Variants in SLC14A2 observed in about 807,000 individuals in gnomAD.
SLC14A2 encodes the protein solute carrier family 14 member 2.
Under a neutral mutation model 104.6 loss-of-function variants are expected in SLC14A2, and 91 were observed. That is an observed-to-expected ratio of 0.87 (90% CI 0.73 to 1.04). The LOEUF is 1.04. SLC14A2 is among the 50% of genes least tolerant of loss of function. The probability of loss-of-function intolerance (pLI) is 0.00; values close to 1 mark genes in which losing one functional copy is unlikely to be tolerated. For synonymous variants in SLC14A2, 476 were observed against 466.4 expected, an observed-to-expected ratio of 1.02 and a Z score of -0.27; for missense variants, 1,189 against 1,156.0, an observed-to-expected ratio of 1.03 and a Z score of -0.41.
intron 1 of SLC14A2, among the ~76,000 whole-genome samples, chr18:45,321,963 G>A (rs1225310895): frequency 6.6e-6 from 1 of 152,178 alleles, no homozygotes; most frequent in East Asian, 1.9e-4. Context: ...TTTTGGTTGA[G>A]AATGGGGTGG....
chr18:45,253,352 G>A (rs1050308827), intron 1 of SLC14A2, among the ~76,000 whole-genome samples: 10 of 152,118 alleles, frequency 6.6e-5, no homozygotes, highest in Non-Finnish European at 8.8e-5. Flanking sequence ...GACGAAGGAC[G>A]GAATGCAGAC....
chr18:45,386,842 T>G (rs2085902298), intron 1 of SLC14A2, among the ~76,000 whole-genome samples: 1 of 152,222 alleles, frequency 6.6e-6, no homozygotes, highest in South Asian at 2.1e-4. Context: ...CCAGGGCTGT[T>G]GTGAAGATGA....
At chr18:45,518,299 T>C (rs2043470298) in intron 2 of SLC14A2, among the ~76,000 whole-genome samples, 2 of 152,192 alleles carry the variant, frequency 1.3e-5, no homozygotes, top group Non-Finnish European at 2.9e-5. Context: ...AATACTATGA[T>C]TTTTGAATGA....
In SLC14A2 at chr18:45,359,468, C is replaced by A. The variant is rs556800431; in HGVS notation, c.-124-123765C>A. ...AGGGAAGAGATAAGGAGTAGGCCTC[C>A]CCGGACAGGCCCAGGCTGCATTCCT... is the stretch of plus-strand genomic sequence containing the variant. On this transcript the variant is annotated intron_variant, in intron 1 of 20. Transcript: ENST00000586448. 2.0e-5 allele frequency among the ~76,000 whole-genome samples: 3 copies of A among 152,292 alleles called. No individual in the cohort carries two copies. The East Asian group carries it at 5.8e-4, about 29-fold the overall frequency.
At chr18:45,285,605 A>G (rs2084805160) in intron 1 of SLC14A2, among the ~76,000 whole-genome samples, 1 of 150,748 alleles carries the variant, frequency 6.6e-6, no homozygotes, top group Non-Finnish European at 1.5e-5. Flanking sequence ...TTTAGCAGAG[A>G]TGAGGTTTCC....
At chr18:45,454,085 C>G (rs1439246802) in intron 1 of SLC14A2, among the ~76,000 whole-genome samples, 1 of 152,040 alleles carries the variant, frequency 6.6e-6, no homozygotes, top group East Asian at 1.9e-4. Flanking sequence ...GTCTCCAACT[C>G]CAGACTTCAT....
chr18:45,403,379 A>G (rs2086116888), intron 1 of SLC14A2, among the ~76,000 whole-genome samples: 1 of 152,256 alleles, frequency 6.6e-6, no homozygotes, highest in Non-Finnish European at 1.5e-5. Context: ...ATAACATGGA[A>G]TAATAATTTA....
intron 1 of SLC14A2, among the ~76,000 whole-genome samples, chr18:45,469,185 G>A (rs1598867888): frequency 1.3e-5 from 2 of 152,324 alleles, no homozygotes; most frequent in South Asian, 4.1e-4. Context: ...GGCATTGTTG[G>A]AAGGATGGTC....
chr18:45,357,330 G>T (rs931996658), intron 1 of SLC14A2, among the ~76,000 whole-genome samples: 104 of 150,488 alleles, frequency 6.9e-4, no homozygotes, highest in African/African-American at 2.4e-3. Context: ...GGAAGAAAGA[G>T]GCCAGGCATG....
chr18:45,514,956 C>CAAGT (rs886444108), intron 2 of SLC14A2, among the ~76,000 whole-genome samples: 3 of 152,154 alleles, frequency 2.0e-5, no homozygotes, highest in Non-Finnish European at 2.9e-5. Context: ...AATAGAAATG[C>CAAGT]AAGTACCAAG....
chr18:45,258,281 A>G (rs2084501087), intron 1 of SLC14A2, among the ~76,000 whole-genome samples: 1 of 141,990 alleles, frequency 7.0e-6, no homozygotes, highest in Admixed American at 6.9e-5. Flanking sequence ...CAATGGTAGG[A>G]CATAGTGCCC....
At chr18:45,189,818 C>T in the SLC14A2 span, among the ~76,000 whole-genome samples, 9 of 152,110 alleles carry the variant, frequency 5.9e-5, no homozygotes, top group Non-Finnish European at 1.2e-4. Flanking sequence ...TGCAAAATCA[C>T]AAACTGACAA....
intron 1 of SLC14A2, among the ~76,000 whole-genome samples, chr18:45,293,556 G>T (rs767233648): frequency 6.6e-6 from 1 of 151,252 alleles, no homozygotes; most frequent in Non-Finnish European, 1.5e-5. Context: ...AGGAGAAGAG[G>T]GGGCAGTGAG....
At chr18:45,283,661 G>A (rs2084785477) in intron 1 of SLC14A2, among the ~76,000 whole-genome samples, 1 of 152,190 alleles carries the variant, frequency 6.6e-6, no homozygotes, top group Admixed American at 6.5e-5. Context: ...TATTCAACAG[G>A]TCTCCATTGT....
chr18:45,347,255 C>T (rs1252245252), intron 1 of SLC14A2, among the ~76,000 whole-genome samples: 2 of 152,040 alleles, frequency 1.3e-5, no homozygotes, highest in African/African-American at 4.8e-5. Flanking sequence ...ACTTGGGAGG[C>T]TGAGGTGAAA....
chr18:45,326,823 G>A (rs757174561), intron 1 of SLC14A2, among the ~76,000 whole-genome samples: 15 of 152,264 alleles, frequency 9.9e-5, no homozygotes, highest in East Asian at 1.9e-4. Flanking sequence ...AGGAAGCCTC[G>A]TTGAAGCCTC....
rs150006973 is a variant in SLC14A2 at position 45,395,422 on chromosome 18, A to T, written c.-124-87811A>T. 7.9e-5 allele frequency among the ~76,000 whole-genome samples: 12 copies of T among 152,276 alleles called. No individual in the cohort carries two copies. The East Asian group carries it at 2.3e-3, about 29-fold the overall frequency. ...TGAGTAGAATGGGAGTTGCTGTTCA[A>T]TGGGTATAGAATATCAGTCATGCAA... On this transcript the variant is annotated intron_variant, in intron 1 of 20. Coordinates refer to the SLC14A2 transcript ENST00000586448.
chr18:45,352,585 C>A (rs773158288), intron 1 of SLC14A2, among the ~76,000 whole-genome samples: 1 of 151,970 alleles, frequency 6.6e-6, no homozygotes, highest in Non-Finnish European at 1.5e-5. Flanking sequence ...TGATCCTTGC[C>A]CCTGTAGAGC....
At chr18:45,174,430 G>A in the SLC14A2 span, among the ~76,000 whole-genome samples, 1 of 151,954 alleles carries the variant, frequency 6.6e-6, no homozygotes, top group South Asian at 2.1e-4. Flanking sequence ...TGTTCTAGGG[G>A]GACCACTCTA....
Sources: gnomAD v4.1 joint callset for allele counts (sites outside exome capture counted in the v4.1 genomes callset) on GRCh38, gnomAD v4.1.1 for gene constraint, MANE v1.5 for transcripts, NCBI Gene and HGNC (gene_info 2026-07-23, HGNC 2026-07-21) for gene names.